WDR72: variants seen among roughly 807,000 people sequenced by gnomAD.
WDR72 encodes the protein WD repeat domain 72, also known as WD repeat-containing protein 72.
WDR72 carries 120 observed loss-of-function variants against 124.2 expected under a neutral mutation model. That is an observed-to-expected ratio of 0.97 (90% confidence interval 0.83 to 1.12). WDR72 has a LOEUF of 1.12. WDR72 is among the 50% of genes most tolerant of loss of function. The pLI is 0.00. For synonymous variants in WDR72, 452 were observed against 441.7 expected (o/e 1.02, Z -0.29); for missense variants, 1,387 against 1,278.8 (o/e 1.08, Z -1.29).
intron 13 of WDR72, among the ~76,000 whole-genome samples, chr15:53,676,389 C>G (rs2016172912): frequency 6.6e-6 from 1 of 152,180 alleles, no homozygotes; most frequent in Non-Finnish European, 1.5e-5. Flanking sequence ...TAGACCAGGC[C>G]TAATTTGATG....
intron 18 of WDR72, among the ~76,000 whole-genome samples, chr15:53,591,659 C>T (rs1374779582): frequency 4.0e-5 from 6 of 151,350 alleles, no homozygotes; most frequent in Non-Finnish European, 1.5e-5. Flanking sequence ...TTAACACACG[C>T]ACACATATAT....
chr15:53,684,660 A>C (rs371133824), intron 13 of WDR72: 87 of 154,344 alleles, frequency 5.6e-4, no homozygotes, highest in Non-Finnish European at 9.9e-4. Context: ...CCCAGGCTTG[A>C]TTAGGTAAAC....
At chr15:53,543,530 C>A (rs1230601189) in intron 18 of WDR72, among the ~76,000 whole-genome samples, 1 of 150,244 alleles carries the variant, frequency 6.7e-6, no homozygotes, top group African/African-American at 2.4e-5. Context: ...TAAATGCCCA[C>A]AAGAGAAAGC....
chr15:53,641,071 A>T (rs775380808), intron 14 of WDR72, among the ~76,000 whole-genome samples: 4 of 151,994 alleles, frequency 2.6e-5, no homozygotes, highest in African/African-American at 4.8e-5. Flanking sequence ...AATATTATCA[A>T]GTATTTTCCT....
At chr15:53,604,436 C>T (rs1215065290) in intron 17 of WDR72, among the ~76,000 whole-genome samples, 1 of 152,136 alleles carries the variant, frequency 6.6e-6, no homozygotes, top group Non-Finnish European at 1.5e-5. Context: ...GGTTTAATGG[C>T]AAAGATGCCA....
In WDR72 at chr15:53,597,124, C is replaced by A; in HGVS notation, c.3103G>T (p.Glu1035Ter). The change falls in exon 18 of 20, where the codon GAA becomes TAA. Residue 1035 changes from glutamate to a stop codon, truncating the protein, a stop_gained. Transcript: ENST00000360509. LOFTEE classifies it high-confidence loss of function. Reference sequence around the variant, plus strand: ...CTAACACACTGTAACTCTAGTTCTTCTGTCCATTCCAGCTTTGGCAGCATC... The same window carrying A: ...CTAACACACTGTAACTCTAGTTCTTATGTCCATTCCAGCTTTGGCAGCATC... ...KQMLPKLEWT[E>*]ELELQCVRNT... is the part of the protein sequence containing the mutation. The A allele has an allele frequency of 6.2e-7, 1 of 1,613,902 alleles. No homozygotes were observed.
chr15:53,684,504 G>C (rs1385330664), intron 13 of WDR72: 4 of 161,806 alleles, frequency 2.5e-5, no homozygotes, highest in African/African-American at 9.6e-5. Context: ...TTTCCGACGG[G>C]CTTAAAAAGC....
intron 18 of WDR72, among the ~76,000 whole-genome samples, chr15:53,547,259 A>G (rs1234964271): frequency 6.6e-6 from 1 of 152,202 alleles, no homozygotes; most frequent in Admixed American, 6.5e-5. Context: ...CAGCCTCCCG[A>G]GTTGCCGGGA....
At chr15:53,735,067 G>A (rs2140619990) in intron 1 of WDR72, among the ~76,000 whole-genome samples, 1 of 152,234 alleles carries the variant, frequency 6.6e-6, no homozygotes, top group East Asian at 1.9e-4. Context: ...GCCGAGGTAG[G>A]TGGAGCACTT....
Position 53,705,112 on chromosome 15 carries a change from A to C in WDR72, c.1224T>G (p.Thr408=), listed in dbSNP as rs1350731687. Residue 408 remains threonine (T), a synonymous_variant, in exon 11 of 20, where the codon ACT becomes ACG. Coordinates refer to ENST00000360509, the MANE Select transcript of WDR72 (RefSeq NM_182758.4). The stretch of plus-strand genomic sequence containing the variant: ...CAAGACTTGGAATATACTCTGATGA[A>C]GTGACTACAGCAGTTCCTGCCCCAT... ...LKDGAGTAVV[T]SSEYIPSLDK... is the part of the protein sequence containing the mutation. 1 of 1,614,162 alleles carries C rather than the reference A, an allele frequency of 6.2e-7. No individual in the cohort carries two copies. Among genetic ancestry groups the C allele is most frequent in the East Asian group, 2.2e-5 (1 of 44,856 alleles).
At chr15:53,679,439 C>CA (rs2016301048) in intron 13 of WDR72, among the ~76,000 whole-genome samples, 1 of 152,038 alleles carries the variant, frequency 6.6e-6, no homozygotes, top group African/African-American at 2.4e-5. Context: ...AGAATAAACC[C>CA]AAAGAACAAT....
chr15:53,753,305 A>T lies in WDR72; in HGVS notation c.-13+6328T>A, dbSNP rs569626568. Among the ~76,000 whole-genome samples, 8 of 152,348 alleles carry T rather than the reference A, an allele frequency of 5.3e-5. No individual in the cohort carries two copies. In the South Asian group the frequency reaches 1.7e-3, roughly 32 times the overall value. ...GCAGAAATACAGGCCTATATGGACA[A>T]GGCCTATTTGGAGAAGCCTCCCTAA... On this transcript the variant is annotated intron_variant, in intron 1 of 19. Coordinates refer to ENST00000360509, the MANE Select transcript of WDR72 (RefSeq NM_182758.4).
chr15:53,544,238 T>C (rs1415360412), intron 18 of WDR72, among the ~76,000 whole-genome samples: 1 of 140,370 alleles, frequency 7.1e-6, no homozygotes, highest in Non-Finnish European at 1.5e-5. Flanking sequence ...ATATCCTTGA[T>C]GAACATTGAT....
chr15:53,663,898 C>T (rs763210049), intron 14 of WDR72, among the ~76,000 whole-genome samples: 1 of 139,334 alleles, frequency 7.2e-6, no homozygotes, highest in Admixed American at 6.8e-5. Context: ...CTATAACTGT[C>T]CTTAGAAAAA....
intron 18 of WDR72, among the ~76,000 whole-genome samples, chr15:53,537,393 A>AT (rs1892819095): frequency 6.6e-6 from 1 of 152,162 alleles, no homozygotes; most frequent in African/African-American, 2.4e-5. Flanking sequence ...ATTGAGTTTT[A>AT]GGGGCTCTTC....
chr15:53,689,051 A>T (rs904836418), intron 13 of WDR72, among the ~76,000 whole-genome samples: 5 of 152,180 alleles, frequency 3.3e-5, no homozygotes, highest in Non-Finnish European at 5.9e-5. Context: ...TTACACCTTA[A>T]ACAGAAATCA....
intron 18 of WDR72, among the ~76,000 whole-genome samples, chr15:53,531,868 G>A (rs750728568): frequency 6.6e-6 from 1 of 152,004 alleles, no homozygotes; most frequent in Non-Finnish European, 1.5e-5. Flanking sequence ...TTTACACATT[G>A]TTTGGAAAAA....
intron 14 of WDR72, among the ~76,000 whole-genome samples, chr15:53,662,014 C>T (rs1392718075): frequency 6.6e-6 from 1 of 152,148 alleles, no homozygotes; most frequent in Admixed American, 6.6e-5. Flanking sequence ...AACTAACCAA[C>T]CAACAAACAA....
chr15:53,654,509 G>A (rs1165832492), intron 14 of WDR72, among the ~76,000 whole-genome samples: 1 of 152,188 alleles, frequency 6.6e-6, no homozygotes, highest in Non-Finnish European at 1.5e-5. Context: ...TAGAATTAAT[G>A]GACGTAGAAC....
Sources: gnomAD v4.1 joint callset for allele counts (sites outside exome capture counted in the v4.1 genomes callset) on GRCh38, gnomAD v4.1.1 for gene constraint, MANE v1.5 for transcripts, NCBI Gene and HGNC (gene_info 2026-07-23, HGNC 2026-07-21) for gene names.